Variants in NAT10 observed in about 807,000 individuals in gnomAD.
The protein encoded by NAT10 is RNA cytidine acetyltransferase.
A neutral mutation model predicts 132.2 loss-of-function variants in NAT10; 109 were observed. The observed-to-expected ratio is 0.82, with a 90% confidence interval of 0.71 to 0.97. The LOEUF (loss-of-function observed/expected upper bound fraction) is 0.97, where lower values mean the gene tolerates loss of function less well. Ranked by LOEUF, NAT10 falls within the 50% of genes least tolerant of loss-of-function variation. The pLI, the probability that NAT10 is intolerant of heterozygous loss-of-function variation, is 0.00. For synonymous variants in NAT10, 479 were observed against 478.0 expected (o/e 1.00, Z -0.03); for missense variants, 1,184 against 1,263.4 (o/e 0.94, Z 0.95).
chr11:34,112,480 A>T lies in NAT10; in HGVS notation c.372+257A>T, dbSNP rs536869019. On this transcript the variant is annotated intron_variant, in intron 4 of 28. Coordinates refer to ENST00000257829, the MANE Select transcript of NAT10 (RefSeq NM_024662.3). ...TGATGAGTTATTATAACGGGTTCTA[A>T]CTAGCTAAAGCTGATAAAGCAAATG... Among the ~76,000 whole-genome samples the T allele has an allele frequency of 3.3e-3, 501 of 152,388 alleles. 4 individuals are homozygous for T. Among genetic ancestry groups the T allele is most frequent in the Non-Finnish European group, 4.9e-3 (336 of 68,034 alleles).
intron 12 of NAT10, among the ~76,000 whole-genome samples, chr11:34,128,902 T>C (rs1212565126): frequency 1.3e-5 from 2 of 152,218 alleles, no homozygotes; most frequent in Non-Finnish European, 2.9e-5. Flanking sequence ...ATTTGCCTAT[T>C]TTGGACATTT....
chr11:34,139,136 G>A (rs983305154), intron 21 of NAT10, 55 bp from the exon 22 acceptor site: 2 of 1,455,470 alleles, frequency 1.4e-6, no homozygotes, highest in African/African-American at 2.8e-5. Context: ...CATCAATGAT[G>A]GGTTATTCAA....
chr11:34,108,117 G>A, intron 1 of NAT10, 94 bp from the exon 2 acceptor site: 4 of 786,544 alleles, frequency 5.1e-6, no homozygotes, highest in Non-Finnish European at 8.8e-6. Context: ...TTATAGATAT[G>A]CCTAGCACAG....
At position 34,136,968 on chromosome 11, in the gene NAT10, A is replaced by G. The variant is rs371940250; in HGVS notation, c.2163-10A>G. The stretch of plus-strand genomic sequence containing the variant: ...ACACACAGTGACCTACTGTCTTTGT[A>G]TCTTTGCAGGTTCTGGAAACGAGCT... On this transcript the variant is annotated splice_polypyrimidine_tract_variant and intron_variant, in intron 20 of 28. Transcript: ENST00000257829. 224 of 1,613,984 alleles carry G rather than the reference A, an allele frequency of 1.4e-4. No homozygotes were observed. The highest frequency in any genetic ancestry group is 1.7e-4 in the Non-Finnish European group (199 of 1,180,032).
At position 34,112,044 on chromosome 11, in the gene NAT10, G is replaced by T. The variant is rs1851704429; in HGVS notation, c.201-8G>T. 2 of 1,613,944 alleles carry T rather than the reference G, an allele frequency of 1.2e-6. No individual in the cohort carries two copies. Among genetic ancestry groups the T allele is most frequent in the Admixed American group, 3.3e-5 (2 of 60,000 alleles). On this transcript the variant is annotated splice_polypyrimidine_tract_variant and splice_region_variant and intron_variant, in intron 3 of 28. Coordinates refer to ENST00000257829, the MANE Select transcript of NAT10 (RefSeq NM_024662.3). Reference sequence around the variant, plus strand: ...GGCTCTCATGGGATTGGGGGTGTGTGATTGCAGTCACCGGAAGAAAAGAAT... The same window carrying T: ...GGCTCTCATGGGATTGGGGGTGTGTTATTGCAGTCACCGGAAGAAAAGAAT...
At chr11:34,137,380 T>C (rs751890156) in intron 21 of NAT10, among the ~76,000 whole-genome samples, 1 of 152,156 alleles carries the variant, frequency 6.6e-6, no homozygotes, top group Non-Finnish European at 1.5e-5. Context: ...CTGTCGGAGA[T>C]GGGACTCACT....
At position 34,127,549 on chromosome 11, in the gene NAT10, G is replaced by T; in HGVS notation, c.1194G>T (p.Val398=). 1.2e-6 allele frequency: 2 copies of T among 1,614,144 alleles called. No homozygotes were observed. Among genetic ancestry groups the T allele is most frequent in the Non-Finnish European group, 1.7e-6 (2 of 1,180,004 alleles). ...CTGCCGCCATCCCCCTCCCCTTGGT[G>T]AAGAGCCTACTTGGCCCCTACCTTG... ...DEAAAIPLPL[V]KSLLGPYLVF... The change falls in exon 12 of 29, where the codon GTG becomes GTT. Residue 398 remains valine, a synonymous_variant. Coordinates refer to ENST00000257829, the MANE Select transcript of NAT10 (RefSeq NM_024662.3).
chr11:34,143,442 T>C lies in NAT10; in HGVS notation c.2886-3T>C, dbSNP rs1342729950. 1 of 1,613,298 alleles carries C rather than the reference T, an allele frequency of 6.2e-7. No individual in the cohort carries two copies. Among genetic ancestry groups the C allele is most frequent in the Non-Finnish European group, 8.5e-7 (1 of 1,179,670 alleles). ...GCTTTGATAGTTCCCTTCTTTTTTT[T>C]AGATACATAATCCGTGGGGACGATG... On this transcript the variant is annotated splice_polypyrimidine_tract_variant and splice_region_variant and intron_variant, in intron 27 of 28. Coordinates refer to ENST00000257829, the MANE Select transcript of NAT10 (RefSeq NM_024662.3).
chr11:34,124,802 C>T (rs374187675), intron 11 of NAT10, among the ~76,000 whole-genome samples: 3 of 152,356 alleles, frequency 2.0e-5, no homozygotes, highest in South Asian at 2.1e-4. Context: ...AAAATGTGCT[C>T]TGAATCTTTG....
intron 1 of NAT10, among the ~76,000 whole-genome samples, chr11:34,106,797 A>G (rs1486034804): frequency 6.6e-6 from 1 of 152,152 alleles, no homozygotes; most frequent in Non-Finnish European, 1.5e-5. Flanking sequence ...TTAGTGTTTT[A>G]TAGTAAGACA....
chr11:34,136,268 G>T (rs1226033179), intron 19 of NAT10, among the ~76,000 whole-genome samples: 1 of 152,020 alleles, frequency 6.6e-6, no homozygotes, highest in Non-Finnish European at 1.5e-5. Context: ...TTCCAGTAGC[G>T]ATGGGGTTTT....
intron 5 of NAT10, 47 bp downstream of exon 5, chr11:34,113,885 G>T (rs758979168): frequency 6.2e-7 from 1 of 1,604,560 alleles, no homozygotes. Flanking sequence ...AAGTAAATCT[G>T]TTTTTGCTGT....
intron 11 of NAT10, 95 bp downstream of exon 11, chr11:34,124,495 G>C (rs182842787): frequency 1.2e-6 from 1 of 822,558 alleles, no homozygotes; most frequent in Non-Finnish European, 1.9e-6. Flanking sequence ...TGTATGTCTT[G>C]TGTAATTGCA....
intron 21 of NAT10, among the ~76,000 whole-genome samples, chr11:34,138,088 G>A (rs1187677006): frequency 6.6e-6 from 1 of 152,228 alleles, no homozygotes; most frequent in African/African-American, 2.4e-5. Flanking sequence ...TGTCCGATGG[G>A]AGATTCTAGA....
chr11:34,108,138 C>T (rs1237954587), intron 1 of NAT10, 73 bp from the exon 2 acceptor site: 4 of 1,030,596 alleles, frequency 3.9e-6, no homozygotes, highest in African/African-American at 1.6e-5. Flanking sequence ...TCCCAGGCCC[C>T]ACAAAAGGCA....
At chr11:34,120,131 T>C (rs978794126) in intron 8 of NAT10, among the ~76,000 whole-genome samples, 1 of 146,902 alleles carries the variant, frequency 6.8e-6, no homozygotes, top group Admixed American at 7.1e-5. Context: ...GTTGTTGTTG[T>C]TGTTGCTGTT....
Position 34,139,501 on chromosome 11 carries a change from C to T in NAT10, c.2419+6C>T, listed in dbSNP as rs924023671. On this transcript the variant is annotated splice_donor_region_variant and intron_variant, in intron 23 of 28. Coordinates refer to ENST00000257829, the MANE Select transcript of NAT10 (RefSeq NM_024662.3). ...GGGGAAGCCAGCCCAGCCTGGTGAGCCGGGTGGGGACAGGGAGGAGGGTTG... is the reference window on the plus strand; with the variant it reads ...GGGGAAGCCAGCCCAGCCTGGTGAGTCGGGTGGGGACAGGGAGGAGGGTTG... 5 of 1,611,200 alleles carry T rather than the reference C, an allele frequency of 3.1e-6. No individual in the cohort carries two copies. The highest frequency in any genetic ancestry group is 4.2e-6 in the Non-Finnish European group (5 of 1,177,558).
intron 26 of NAT10, 153 bp downstream of exon 26, chr11:34,141,970 C>T (rs1181665558): frequency 3.0e-6 from 2 of 674,622 alleles, no homozygotes; most frequent in Non-Finnish European, 5.1e-6. Context: ...ACAAACGGAC[C>T]CAGCATTGTC....
chr11:34,131,844 T>G (rs1214778188), intron 14 of NAT10, among the ~76,000 whole-genome samples: 8 of 151,734 alleles, frequency 5.3e-5, no homozygotes, highest in Non-Finnish European at 8.8e-5. Flanking sequence ...AGCCACCACG[T>G]CTGGCTAATT....
Sources: gnomAD v4.1 joint callset for allele counts (sites outside exome capture counted in the v4.1 genomes callset) on GRCh38, gnomAD v4.1.1 for gene constraint, MANE v1.5 for transcripts, NCBI Gene and HGNC (gene_info 2026-07-23, HGNC 2026-07-21) for gene names.